The following PRKG1 variants were observed in gnomAD, a reference collection of about 807,000 sequenced individuals.
PRKG1 encodes cGMP-dependent protein kinase 1.
A neutral mutation model predicts 88.1 loss-of-function variants in PRKG1; 35 were observed. That is an observed-to-expected ratio of 0.40 (90% CI 0.30 to 0.53). The LOEUF (loss-of-function observed/expected upper bound fraction) is 0.53, where lower values mean the gene tolerates loss of function less well. Among genes scored for constraint, PRKG1 ranks in the 20% least tolerant of loss-of-function variants. PRKG1 has a pLI of 0.59. For missense variants in PRKG1, 540 were observed against 839.8 expected, an observed-to-expected ratio of 0.64 and a Z score of 4.41; for synonymous variants, 303 against 292.5, an observed-to-expected ratio of 1.04 and a Z score of -0.37.
intron 9 of PRKG1, among the ~76,000 whole-genome samples, chr10:52,225,997 C>T (rs913752048): frequency 1.5e-4 from 23 of 150,896 alleles, no homozygotes; most frequent in African/African-American, 5.1e-4. Flanking sequence ...TCTTTGTCTC[C>T]TCCACTAGCA....
chr10:52,160,624 T>TA (rs1462276502), intron 8 of PRKG1, among the ~76,000 whole-genome samples: 1 of 151,960 alleles, frequency 6.6e-6, no homozygotes, highest in East Asian at 1.9e-4. Flanking sequence ...TGTTCCTCTT[T>TA]ATAGTTTTTC....
intron 4 of PRKG1, among the ~76,000 whole-genome samples, chr10:51,820,779 A>G (rs1276084349): frequency 6.6e-6 from 1 of 152,188 alleles, no homozygotes; most frequent in Non-Finnish European, 1.5e-5. Context: ...GAAGATTCTC[A>G]TAGATCTTTT....
intron 1 of PRKG1, among the ~76,000 whole-genome samples, chr10:51,000,946 C>G (rs947692898): frequency 3.3e-5 from 5 of 152,176 alleles, no homozygotes; most frequent in African/African-American, 1.2e-4. Context: ...GTTTGAATGA[C>G]TCCTTGCATG....
chr10:52,038,662 G>T (rs1250138491), intron 5 of PRKG1, among the ~76,000 whole-genome samples: 1 of 152,074 alleles, frequency 6.6e-6, no homozygotes, highest in Non-Finnish European at 1.5e-5. Context: ...AGAAAAGTGG[G>T]ACTTGCTGCT....
Position 52,039,120 on chromosome 10 carries a change from C to T in PRKG1, c.763-15364C>T, listed in dbSNP as rs1423187391. On this transcript the variant is annotated intron_variant, in intron 5 of 17. Coordinates refer to ENST00000373980, the MANE Select transcript of PRKG1 (RefSeq NM_006258.4). The stretch of plus-strand genomic sequence containing the variant: ...GAGTCACGGCACCAAATTTCATGCA[C>T]GTCCGTGTGAAGAGACCACCAAACA... 4.6e-5 allele frequency among the ~76,000 whole-genome samples: 7 copies of T among 152,148 alleles called. No homozygotes were observed. In the South Asian group the frequency reaches 1.2e-3, roughly 27 times the overall value.
At position 51,856,315 on chromosome 10, in the gene PRKG1, C is replaced by T. The variant is rs574207573; in HGVS notation, c.699-51192C>T. On this transcript the variant is annotated intron_variant, in intron 4 of 17. Transcript: ENST00000373980. ...ACATCTTTGGGAGGCCATTATTCAG[C>T]CAACTACCCCAGGTTAGAATTCTGC... 2.3e-4 allele frequency among the ~76,000 whole-genome samples: 35 copies of T among 152,260 alleles called. No individual in the cohort carries two copies. The South Asian group carries it at 7.3e-3, about 32-fold the overall frequency.
At chr10:51,787,610 C>T (rs1838761115) in intron 3 of PRKG1, among the ~76,000 whole-genome samples, 2 of 152,104 alleles carry the variant, frequency 1.3e-5, no homozygotes, top group South Asian at 4.1e-4. Context: ...TACCTATCTT[C>T]ACCTCCATTT....
chr10:51,482,330 A>T (rs1349652262), intron 3 of PRKG1, among the ~76,000 whole-genome samples: 1 of 152,180 alleles, frequency 6.6e-6, no homozygotes, highest in African/African-American at 2.4e-5. Context: ...AGTATTAAAT[A>T]GATACTTAAT....
intron 3 of PRKG1, among the ~76,000 whole-genome samples, chr10:51,525,929 G>T (rs564638720): frequency 9.2e-5 from 14 of 151,686 alleles, no homozygotes; most frequent in Non-Finnish European, 1.6e-4. Flanking sequence ...AAGTTCAAGC[G>T]ATTCTACTGC....
At chr10:51,558,037 A>G (rs1456022173) in intron 3 of PRKG1, among the ~76,000 whole-genome samples, 4 of 152,088 alleles carry the variant, frequency 2.6e-5, no homozygotes, top group Non-Finnish European at 5.9e-5. Context: ...TACTGAAAAT[A>G]ATATGTTTTG....
At chr10:51,086,322 T>C (rs1189978626) in intron 1 of PRKG1, among the ~76,000 whole-genome samples, 1 of 152,228 alleles carries the variant, frequency 6.6e-6, no homozygotes, top group African/African-American at 2.4e-5. Context: ...CCCTTCCTTT[T>C]GGCTTTTGGT....
intron 2 of PRKG1, among the ~76,000 whole-genome samples, chr10:51,283,712 A>C (rs547128406): frequency 1.3e-5 from 2 of 152,302 alleles, no homozygotes; most frequent in South Asian, 4.1e-4. Context: ...TGGTGTCCAC[A>C]AATAAAGAAA....
chr10:51,522,883 G>A (rs1323790393), intron 3 of PRKG1, among the ~76,000 whole-genome samples: 1 of 151,984 alleles, frequency 6.6e-6, no homozygotes, highest in Non-Finnish European at 1.5e-5. Context: ...AAGGTGTGAA[G>A]GCTTTTAGAT....
At chr10:51,741,719 A>T (rs572018127) in intron 3 of PRKG1, among the ~76,000 whole-genome samples, 1 of 152,206 alleles carries the variant, frequency 6.6e-6, no homozygotes, top group Non-Finnish European at 1.5e-5. Flanking sequence ...AAGCAAATCT[A>T]CACAGAAGAA....
At chr10:51,418,003 T>C (rs940382744) in intron 2 of PRKG1, among the ~76,000 whole-genome samples, 2 of 152,210 alleles carry the variant, frequency 1.3e-5, no homozygotes, top group Non-Finnish European at 2.9e-5. Context: ...AAAGCAGTTG[T>C]GTTTGCCTTT....
intron 2 of PRKG1, among the ~76,000 whole-genome samples, chr10:51,211,533 T>C (rs1393425856): frequency 6.6e-6 from 1 of 152,210 alleles, no homozygotes; most frequent in Admixed American, 6.5e-5. Context: ...ATTGTCCCTG[T>C]TTGCAGATGA....
At chr10:51,455,926 G>A (rs898265426) in intron 2 of PRKG1, among the ~76,000 whole-genome samples, 6 of 152,056 alleles carry the variant, frequency 3.9e-5, no homozygotes, top group Non-Finnish European at 8.8e-5. Flanking sequence ...TCACTTCCAC[G>A]TTTTTGGGTA....
At chr10:52,115,722 C>T (rs1349751599) in intron 7 of PRKG1, among the ~76,000 whole-genome samples, 5 of 152,158 alleles carry the variant, frequency 3.3e-5, no homozygotes, top group Admixed American at 2.6e-4. Flanking sequence ...AACTGTGTTA[C>T]TTACTAGACT....
At chr10:52,249,393 C>G (rs1425568119) in intron 9 of PRKG1, among the ~76,000 whole-genome samples, 1 of 151,834 alleles carries the variant, frequency 6.6e-6, no homozygotes. Flanking sequence ...CACCTGGGAG[C>G]TTTTTAAAAG....
Sources: allele counts gnomAD v4.1 joint callset (sites outside exome capture counted in the v4.1 genomes callset), GRCh38; gene constraint gnomAD v4.1.1; transcripts MANE v1.5; gene names NCBI Gene and HGNC (gene_info 2026-07-23, HGNC 2026-07-21).